Variants in ERCC6L observed in about 807,000 individuals in gnomAD.
ERCC6L encodes the protein DNA excision repair protein ERCC-6-like.
ERCC6L carries 7 observed loss-of-function variants against 20.1 expected under a neutral mutation model. The ratio of observed to expected loss-of-function variants is 0.35; its 90% CI spans 0.20 to 0.65. ERCC6L has a LOEUF of 0.65. ERCC6L is among the 30% of genes least tolerant of loss of function. The pLI is 0.69. For missense variants in ERCC6L, 592 were observed against 892.4 expected, an observed-to-expected ratio of 0.66 and a Z score of 4.29; for synonymous variants, 278 against 331.3, an observed-to-expected ratio of 0.84 and a Z score of 1.75.
At position 72,225,274 on chromosome X, in the gene ERCC6L, G is replaced by A. The variant is rs774193336; in HGVS notation, c.68+13570C>T. Among the ~76,000 whole-genome samples, 3 of 111,972 alleles carry A rather than the reference G, an allele frequency of 2.7e-5. No individual in the cohort carries two copies. In the South Asian group the frequency reaches 1.1e-3, roughly 41 times the overall value. On this transcript the variant is annotated intron_variant, in intron 1 of 1. Transcript: ENST00000334463. Reference sequence around the variant, plus strand: ...CTTACCTGGACTGTCCTCCCCCAGGGGTTTAGGGACAGCCCTCACTATTTC... The same window carrying A: ...CTTACCTGGACTGTCCTCCCCCAGGAGTTTAGGGACAGCCCTCACTATTTC...
At chrX:72,231,484 G>C (rs905253152) in intron 1 of ERCC6L, among the ~76,000 whole-genome samples, 1 of 111,105 alleles carries the variant, frequency 9.0e-6, no homozygotes, top group African/African-American at 3.3e-5. Flanking sequence ...AGGTTCTAGT[G>C]ATCTACTGCA....
Position 72,205,719 on chromosome X carries a change from T to C in ERCC6L, c.3048A>G (p.Lys1016=). Residue 1016 remains lysine (K), a synonymous_variant, in exon 2 of 2, where the codon AAA becomes AAG. Transcript: ENST00000334463. ...KDDEPEEVVV[K]AKIRSKARRI... Reference sequence around the variant, plus strand: ...TTCTAGCTTTACTTCTGATTTTTGCTTTAACTACTACTTCTTCTGGTTCAT... The same window carrying C: ...TTCTAGCTTTACTTCTGATTTTTGCCTTAACTACTACTTCTTCTGGTTCAT... 1 of 1,212,119 alleles carries C rather than the reference T, an allele frequency of 8.3e-7. No individual in the cohort carries two copies. Among genetic ancestry groups the C allele is most frequent in the Non-Finnish European group, 1.1e-6 (1 of 895,574 alleles).
chrX:72,214,248 T>A (rs1253338818), intron 1 of ERCC6L, among the ~76,000 whole-genome samples: 1 of 111,984 alleles, frequency 8.9e-6, no homozygotes, highest in African/African-American at 3.2e-5. Context: ...CAAACAATAT[T>A]ATTAAATAGT....
rs745826258 is a variant in ERCC6L at position 72,206,170 on chromosome X, T to C, written c.2597A>G (p.Asn866Ser). The C allele has an allele frequency of 5.0e-6, 6 of 1,211,938 alleles. No individual in the cohort carries two copies. The highest frequency in any genetic ancestry group is 6.7e-6 in the Non-Finnish European group (6 of 895,515). Reference sequence around the variant, plus strand: ...TTTGGTTGATTTGCTAAGTACATAATTAAAACTTTCCAGAGGATCCTCTTG... The same window carrying C: ...TTTGGTTGATTTGCTAAGTACATAACTAAAACTTTCCAGAGGATCCTCTTG... The part of the protein sequence containing the change: ...ALQEDPLESF[N>S]YVLSKSTKAD... The change falls in exon 2 of 2, where the codon AAT (asparagine) becomes AGT (serine). Residue 866 changes from asparagine (N) to serine (S), a missense_variant. By Grantham distance (46) the Asn-to-Ser change is conservative. Transcript: ENST00000334463.
At chrX:72,229,222 G>A (rs1014972301) in intron 1 of ERCC6L, among the ~76,000 whole-genome samples, 6 of 110,876 alleles carry the variant, frequency 5.4e-5, no homozygotes, top group Non-Finnish European at 7.5e-5. Flanking sequence ...CCTAACCAAC[G>A]CAACCGTACT....
rs1236148995 is a variant in ERCC6L, at chrX:72,207,233, G to A, written c.1534C>T (p.His512Tyr). Residue 512 changes from histidine (H) to tyrosine (Y), a missense_variant, in exon 2 of 2, where the codon CAT (histidine) becomes TAT (tyrosine). Physicochemically the swap from His to Tyr is moderately conservative, Grantham distance 83. Coordinates refer to ENST00000334463, the MANE Select transcript of ERCC6L (RefSeq NM_017669.4). ...KTLRIDGTVT[H>Y]LLEREKRINL... ...ATTCTTTTTTCTCGTTCCAAAAGAT[G>A]AGTAACTGTCCCATCGATTCGCAAT... 1 of 1,209,966 alleles carries A rather than the reference G, an allele frequency of 8.3e-7. No individual in the cohort carries two copies. Among genetic ancestry groups the A allele is most frequent in the African/African-American group, 1.7e-5 (1 of 57,193 alleles).
At chrX:72,231,452 G>A (rs2042982855) in intron 1 of ERCC6L, among the ~76,000 whole-genome samples, 1 of 111,481 alleles carries the variant, frequency 9.0e-6, no homozygotes, top group African/African-American at 3.3e-5. Flanking sequence ...ATGGTACAAA[G>A]TTTCAGTTAA....
intron 1 of ERCC6L, among the ~76,000 whole-genome samples, chrX:72,219,199 A>G (rs1307008591): frequency 9.2e-6 from 1 of 108,614 alleles, no homozygotes; most frequent in African/African-American, 3.4e-5. Flanking sequence ...GAGGTTGCAG[A>G]GAGCAGAGAT....
chrX:72,210,195 C>T (rs201999162), intron 1 of ERCC6L, among the ~76,000 whole-genome samples: 4 of 79,930 alleles, frequency 5.0e-5, no homozygotes, highest in African/African-American at 1.6e-4. Context: ...GCGAGACTGT[C>T]TCTTAAAAAA....
At chrX:72,226,371 C>T (rs1461720572) in intron 1 of ERCC6L, among the ~76,000 whole-genome samples, 1 of 111,794 alleles carries the variant, frequency 8.9e-6, no homozygotes, top group Non-Finnish European at 1.9e-5. Flanking sequence ...GAGGCTGCCC[C>T]CTTGCCTTTG....
Position 72,238,935 on chromosome X carries a change from AC to A in ERCC6L, c.-25del. ...ATGACCCTCGGATTGGGTTCCAGTT[AC>A]CCCGGCGGGAGTTTGGAGCTTGGAG... On this transcript the variant is annotated 5_prime_UTR_variant, in exon 1 of 2. Transcript: ENST00000334463. 1 of 1,159,709 alleles carries A rather than the reference AC, an allele frequency of 8.6e-7. No individual in the cohort carries two copies. The highest frequency in any genetic ancestry group is 1.8e-5 in the African/African-American group (1 of 56,340).
chrX:72,210,199 TAAAAAATA>T (rs1424042074), intron 1 of ERCC6L, among the ~76,000 whole-genome samples: 4 of 77,784 alleles, frequency 5.1e-5, no homozygotes, highest in Non-Finnish European at 9.6e-5. Context: ...GACTGTCTCT[TAAAAAATA>T]AATAAATAAA....
intron 1 of ERCC6L, among the ~76,000 whole-genome samples, chrX:72,227,712 ACCC>A (rs2042961529): frequency 9.0e-6 from 1 of 111,424 alleles, no homozygotes. Flanking sequence ...TCCCAGTCCT[ACCC>A]CCAATTCCCC....
At chrX:72,223,462 T>C (rs766182198) in intron 1 of ERCC6L, among the ~76,000 whole-genome samples, 6 of 107,090 alleles carry the variant, frequency 5.6e-5, no homozygotes, top group African/African-American at 1.7e-4. Context: ...TGATCTTGGC[T>C]CACTGCAACT....
chrX:72,220,403 G>A (rs1011405789), intron 1 of ERCC6L, among the ~76,000 whole-genome samples: 4 of 111,506 alleles, frequency 3.6e-5, no homozygotes, highest in African/African-American at 9.8e-5. Context: ...CGGGAGCATC[G>A]GCATCTTGGA....
chrX:72,205,682 C>A lies in ERCC6L; in HGVS notation c.3085G>T (p.Asp1029Tyr). Residue 1029 changes from aspartate (D) to tyrosine (Y), a missense_variant, in exon 2 of 2, where the codon GAT becomes TAT. Physicochemically the swap from Asp to Tyr is radical, Grantham distance 160. Transcript: ENST00000334463. ...IRSKARRIVS[D>Y]GEDEDDSFKD... Reference sequence around the variant, plus strand: ...AAAGAATCATCTTCATCTTCGCCATCTGAAACAATCCTTCTAGCTTTACTT... The same window carrying A: ...AAAGAATCATCTTCATCTTCGCCATATGAAACAATCCTTCTAGCTTTACTT... The A allele has an allele frequency of 1.7e-6, 2 of 1,212,012 alleles. No individual in the cohort carries two copies. Among genetic ancestry groups the A allele is most frequent in the Non-Finnish European group, 2.2e-6 (2 of 895,571 alleles).
chrX:72,215,479 T>C, intron 1 of ERCC6L, among the ~76,000 whole-genome samples: 1 of 111,958 alleles, frequency 8.9e-6, no homozygotes, highest in Middle Eastern at 4.6e-3. Flanking sequence ...GCAATTTACT[T>C]TGAAATGTAT....
chrX:72,232,555 T>C (rs1461588642), intron 1 of ERCC6L, among the ~76,000 whole-genome samples: 2 of 111,758 alleles, frequency 1.8e-5, no homozygotes, highest in Non-Finnish European at 3.8e-5. Flanking sequence ...ACGCCTGTAA[T>C]CCCAGCACTT....
chrX:72,224,583 C>T (rs776634433), intron 1 of ERCC6L, among the ~76,000 whole-genome samples: 14 of 111,298 alleles, frequency 1.3e-4, no homozygotes, highest in Non-Finnish European at 2.4e-4. Flanking sequence ...CCTGTCTCTA[C>T]TAAAAATGCA....
Sources: gnomAD v4.1 joint callset for allele counts (sites outside exome capture counted in the v4.1 genomes callset) on GRCh38, gnomAD v4.1.1 for gene constraint, MANE v1.5 for transcripts, NCBI Gene and HGNC (gene_info 2026-07-23, HGNC 2026-07-21) for gene names.